BTRC: variants seen among roughly 807,000 people sequenced by gnomAD.
BTRC encodes the protein beta-transducin repeat containing E3 ubiquitin protein ligase.
A neutral mutation model predicts 85.5 loss-of-function variants in BTRC; 42 were observed. The ratio of observed to expected loss-of-function variants is 0.49; its 90% CI spans 0.38 to 0.64. The LOEUF (loss-of-function observed/expected upper bound fraction) is 0.64, where lower values mean the gene tolerates loss of function less well. BTRC is among the 30% of genes least tolerant of loss of function. The pLI is 0.00. For synonymous variants in BTRC, 255 were observed against 263.3 expected (o/e 0.97, Z 0.30); for missense variants, 594 against 743.5 (o/e 0.80, Z 2.34).
intron 1 of BTRC, among the ~76,000 whole-genome samples, chr10:101,378,520 A>ATTT (rs368968037): frequency 1.2e-4 from 12 of 97,056 alleles, no homozygotes; most frequent in East Asian, 2.6e-4. Context: ...CCCAATTATA[A>ATTT]TTTTTTTTTT....
At chr10:101,411,136 C>G (rs1474871945) in intron 1 of BTRC, among the ~76,000 whole-genome samples, 1 of 151,826 alleles carries the variant, frequency 6.6e-6, no homozygotes, top group Non-Finnish European at 1.5e-5. Flanking sequence ...GCTGGCATTA[C>G]AGGTGCAGGC....
chr10:101,423,691 C>G (rs150537044), intron 1 of BTRC, among the ~76,000 whole-genome samples: 1 of 152,212 alleles, frequency 6.6e-6, no homozygotes, highest in Non-Finnish European at 1.5e-5. Context: ...ACTAATAATT[C>G]TTTGACAAGA....
At chr10:101,546,041 C>G (rs912716130) in intron 13 of BTRC, among the ~76,000 whole-genome samples, 2 of 152,106 alleles carry the variant, frequency 1.3e-5, no homozygotes, top group African/African-American at 4.8e-5. Flanking sequence ...ACTTCAGCAC[C>G]CCCTATCAGT....
chr10:101,356,242 G>A (rs1269015333), intron 1 of BTRC, among the ~76,000 whole-genome samples: 1 of 152,028 alleles, frequency 6.6e-6, no homozygotes, highest in Non-Finnish European at 1.5e-5. Flanking sequence ...CTCGTGATCC[G>A]CCCACCTTGG....
chr10:101,512,939 C>T (rs908278022), intron 4 of BTRC, among the ~76,000 whole-genome samples: 4 of 152,216 alleles, frequency 2.6e-5, no homozygotes, highest in Non-Finnish European at 5.9e-5. Flanking sequence ...TTCCAAGACA[C>T]TTGAACAGTA....
At chr10:101,454,534 C>T (rs1034540679) in intron 2 of BTRC, among the ~76,000 whole-genome samples, 5 of 152,212 alleles carry the variant, frequency 3.3e-5, no homozygotes, top group African/African-American at 1.2e-4. Context: ...AATCCCAGCA[C>T]TTTGGGAAAC....
At position 101,475,922 on chromosome 10, in the gene BTRC, C is replaced by CATATATATATATATATATATATAT. The variant is rs71016324; in HGVS notation, c.235-3437_235-3414dup. On this transcript the variant is annotated intron_variant, in intron 3 of 14. Coordinates refer to ENST00000370187, the MANE Select transcript of BTRC (RefSeq NM_033637.4). ...TTTGCATAGTCTCCAAGTATTTTGC[C>CATATATATATATATATATATATAT]ATATATATATATATATATATATATA... is the stretch of plus-strand genomic sequence containing the variant. Among the ~76,000 whole-genome samples the CATATATATATATATATATATATAT allele has an allele frequency of 6.2e-4, 42 of 67,558 alleles. 6 individuals carry two copies. The highest frequency in any genetic ancestry group is 1.0e-3 in the Non-Finnish European group (34 of 33,202). 44.3% of individuals were successfully genotyped at this position (67,558 alleles called of 152,430 possible).
upstream of BTRC, chr10:101,354,068 T>G (rs1941954715): frequency 3.9e-6 from 5 of 1,288,118 alleles, no homozygotes; most frequent in Middle Eastern, 2.6e-4. Flanking sequence ...GCCTGAGAGG[T>G]AAGAGAGGGC....
chr10:101,425,980 G>A (rs541428667), intron 1 of BTRC, among the ~76,000 whole-genome samples: 4 of 152,266 alleles, frequency 2.6e-5, no homozygotes, highest in Non-Finnish European at 5.9e-5. Context: ...ATTAAATGTT[G>A]AAGGACAGAA....
rs1942395764 is a variant in BTRC, at chr10:101,366,791, TTTACATTTATATA to T, written c.48+12565_48+12577del. On this transcript the variant is annotated intron_variant, in intron 1 of 14. Transcript: ENST00000370187. ...TTATATATATATATATATATATATTTTTACATTTATATATATATTTATATATATTAATATATAT... is the reference window on the plus strand; with the variant it reads ...TTATATATATATATATATATATATTTTATATTTATATATATTAATATATAT... 4.9e-5 allele frequency among the ~76,000 whole-genome samples: 5 copies of T among 101,352 alleles called. 1 individual carries two copies. The highest frequency in any genetic ancestry group is 1.1e-4 in the African/African-American group (3 of 27,574). The allele number at this position is 101,352 out of a possible 152,430, so 66.5% of individuals were successfully genotyped here.
intron 5 of BTRC, among the ~76,000 whole-genome samples, chr10:101,522,809 G>T (rs2062137177): frequency 6.6e-6 from 1 of 151,994 alleles, no homozygotes; most frequent in South Asian, 2.1e-4. Context: ...CTTTTCTGAG[G>T]TGTTACCTGG....
chr10:101,501,187 CAA>C (rs61126147), intron 4 of BTRC, among the ~76,000 whole-genome samples: 2 of 132,506 alleles, frequency 1.5e-5, no homozygotes. Context: ...GACTGCGTCT[CAA>C]AAAAAAAAAA....
At position 101,536,603 on chromosome 10, in the gene BTRC, G is replaced by A; in HGVS notation, c.1527G>A (p.Val509=). 2 of 1,613,984 alleles carry A rather than the reference G, an allele frequency of 1.2e-6. No individual in the cohort carries two copies. Among genetic ancestry groups the A allele is most frequent in the South Asian group, 1.1e-5 (1 of 91,080 alleles). The change falls in exon 12 of 15, where the codon GTG becomes GTA. Residue 509 remains valine, a synonymous_variant. Transcript: ENST00000370187. ...TGTTAGAAGGCCATGAGGAATTGGTGCGTTGTATTCGATTTGATAACAAGA... is the reference window on the plus strand; with the variant it reads ...TGTTAGAAGGCCATGAGGAATTGGTACGTTGTATTCGATTTGATAACAAGA... ...LRVLEGHEEL[V]RCIRFDNKRI...
chr10:101,471,600 G>C (rs1478073149), intron 3 of BTRC, among the ~76,000 whole-genome samples: 1 of 152,008 alleles, frequency 6.6e-6, no homozygotes, highest in Admixed American at 6.6e-5. Context: ...AAAATGAATT[G>C]GGAAATCTTC....
intron 1 of BTRC, among the ~76,000 whole-genome samples, chr10:101,363,311 A>T (rs1015365003): frequency 6.6e-6 from 1 of 152,216 alleles, no homozygotes; most frequent in African/African-American, 2.4e-5. Flanking sequence ...TACGTGCAGT[A>T]TACTTCCTCT....
intron 1 of BTRC, among the ~76,000 whole-genome samples, chr10:101,402,353 A>G (rs1397570441): frequency 6.6e-6 from 1 of 152,230 alleles, no homozygotes; most frequent in Non-Finnish European, 1.5e-5. Context: ...ATGCATAGTT[A>G]TTAGAATTTT....
At chr10:101,400,053 A>G (rs914726732) in intron 1 of BTRC, among the ~76,000 whole-genome samples, 2 of 152,302 alleles carry the variant, frequency 1.3e-5, no homozygotes, top group Middle Eastern at 3.4e-3. Flanking sequence ...CCAATAACCT[A>G]TTCTCCTGCT....
intron 4 of BTRC, among the ~76,000 whole-genome samples, chr10:101,513,873 A>T (rs746611624): frequency 1.3e-5 from 2 of 152,250 alleles, no homozygotes; most frequent in African/African-American, 4.8e-5. Flanking sequence ...AAGTAGTTGT[A>T]CCATTAAACG....
intron 2 of BTRC, among the ~76,000 whole-genome samples, chr10:101,453,965 T>C (rs191420677): frequency 6.6e-5 from 10 of 152,320 alleles, no homozygotes; most frequent in Non-Finnish European, 8.8e-5. Context: ...TGGATGGGCA[T>C]GGCTATGGGC....
Sources: gnomAD v4.1 joint callset for allele counts (sites outside exome capture counted in the v4.1 genomes callset) on GRCh38, gnomAD v4.1.1 for gene constraint, MANE v1.5 for transcripts, NCBI Gene and HGNC (gene_info 2026-07-23, HGNC 2026-07-21) for gene names.